COL26A1: variants seen among roughly 807,000 people sequenced by gnomAD.
The protein encoded by COL26A1 is collagen alpha-1(XXVI) chain.
Under a neutral mutation model 59.3 loss-of-function variants are expected in COL26A1, and 41 were observed. The observed-to-expected ratio is 0.69, with a 90% CI of 0.54 to 0.90. The LOEUF is 0.90. Among genes scored for constraint, COL26A1 ranks in the 40% least tolerant of loss-of-function variants. The pLI is 0.00. For synonymous variants in COL26A1, 266 were observed against 256.0 expected (o/e 1.04, Z -0.37); for missense variants, 612 against 602.3 (o/e 1.02, Z -0.17).
At chr7:101,378,806 G>A (rs1010081772) in intron 1 of COL26A1, among the ~76,000 whole-genome samples, 1 of 152,010 alleles carries the variant, frequency 6.6e-6, no homozygotes, top group Non-Finnish European at 1.5e-5. Flanking sequence ...GAGAATCTCC[G>A]ACAGTTCCCA....
chr7:101,505,644 G>A (rs1056981255), intron 3 of COL26A1, among the ~76,000 whole-genome samples: 3 of 152,232 alleles, frequency 2.0e-5, no homozygotes, highest in Non-Finnish European at 4.4e-5. Flanking sequence ...GCCTAGGCCA[G>A]TCTAGTCTTT....
intron 1 of COL26A1, among the ~76,000 whole-genome samples, chr7:101,399,142 C>A (rs746832158): frequency 6.6e-6 from 1 of 152,024 alleles, no homozygotes; most frequent in African/African-American, 2.4e-5. Flanking sequence ...CCCATCTCTA[C>A]AAAAAATTTC....
chr7:101,400,602 A>G (rs1791974024), intron 1 of COL26A1, among the ~76,000 whole-genome samples: 1 of 151,874 alleles, frequency 6.6e-6, no homozygotes, highest in Non-Finnish European at 1.5e-5. Flanking sequence ...CTTGTTGCCC[A>G]GGCTGGAGCG....
rs1791795233 is a variant in COL26A1, at chr7:101,393,990, C to G, written c.159-25987C>G. 4.6e-5 allele frequency among the ~76,000 whole-genome samples: 7 copies of G among 151,988 alleles called. No homozygotes were observed. The South Asian group carries it at 1.5e-3, about 32-fold the overall frequency. ...ATGGGATCTTGCTATGTTGCCCAGG[C>G]TGGTCTCAAACTTCTGGCCTCAAGT... On this transcript the variant is annotated intron_variant, in intron 1 of 12. Transcript: ENST00000313669.
At chr7:101,426,390 G>A (rs115897488) in intron 2 of COL26A1, among the ~76,000 whole-genome samples, 5 of 152,084 alleles carry the variant, frequency 3.3e-5, no homozygotes, top group Non-Finnish European at 7.3e-5. Flanking sequence ...GAGGCGGCCA[G>A]GTCTCAGCCA....
At chr7:101,517,798 A>ATTTTTTTTTTTTTT (rs869245512) in intron 3 of COL26A1, among the ~76,000 whole-genome samples, 1 of 76,892 alleles carries the variant, frequency 1.3e-5, no homozygotes, top group Non-Finnish European at 2.5e-5. Flanking sequence ...TTCTCCCCGC[A>ATTTTTTTTTTTTTT]TTTTTTTTTT....
intron 3 of COL26A1, among the ~76,000 whole-genome samples, chr7:101,512,318 C>T (rs577738915): frequency 6.6e-6 from 1 of 151,944 alleles, no homozygotes. Flanking sequence ...GAAAATTTGG[C>T]TGGAAAAAAT....
intron 7 of COL26A1, 129 bp downstream of exon 7, chr7:101,545,619 C>A: frequency 1.0e-6 from 1 of 993,850 alleles, no homozygotes; most frequent in Non-Finnish European, 1.4e-6. Context: ...CCAACTGGCT[C>A]ACTCCTGCAG....
chr7:101,389,377 A>ATTTTTTT (rs71106518), intron 1 of COL26A1, among the ~76,000 whole-genome samples: 1 of 89,378 alleles, frequency 1.1e-5, no homozygotes, highest in Non-Finnish European at 2.3e-5. Flanking sequence ...TGATTTGCAC[A>ATTTTTTT]TTTTTTTTTT....
At chr7:101,525,781 C>G (rs947738926) in intron 3 of COL26A1, among the ~76,000 whole-genome samples, 2 of 152,198 alleles carry the variant, frequency 1.3e-5, no homozygotes, top group African/African-American at 4.8e-5. Flanking sequence ...CAGGTGTGAG[C>G]CACTGCACCT....
chr7:101,523,172 C>A (rs550476244), intron 3 of COL26A1, among the ~76,000 whole-genome samples: 1 of 152,084 alleles, frequency 6.6e-6, no homozygotes, highest in East Asian at 1.9e-4. Flanking sequence ...CGGGTTCAAG[C>A]CATTCTCCTG....
At chr7:101,455,149 C>A (rs1221979119) in intron 3 of COL26A1, among the ~76,000 whole-genome samples, 1 of 147,336 alleles carries the variant, frequency 6.8e-6, no homozygotes, top group Non-Finnish European at 1.5e-5. Flanking sequence ...CCCAAGTGAT[C>A]CTCCCACCTC....
In COL26A1 at chr7:101,542,488, AC is replaced by A. The variant is rs569136393; in HGVS notation, c.605-1506del. 2.5e-3 allele frequency among the ~76,000 whole-genome samples: 379 copies of A among 152,148 alleles called. 2 individuals carry two copies. Among genetic ancestry groups the A allele is most frequent in the African/African-American group, 8.3e-3 (343 of 41,524 alleles). On this transcript the variant is annotated intron_variant, in intron 5 of 12. Coordinates refer to ENST00000313669, the MANE Select transcript of COL26A1 (RefSeq NM_001278563.3). ...CTGAGGCTCAGAGAAGTTAAGTGAC[AC>A]CCCTGGGGTCACCCAGCAAGCCAGC...
intron 2 of COL26A1, among the ~76,000 whole-genome samples, chr7:101,425,616 C>G (rs1238177558): frequency 6.6e-6 from 1 of 150,632 alleles, no homozygotes; most frequent in Admixed American, 6.7e-5. Context: ...CCCACCTCAG[C>G]CTCCCAAGTA....
chr7:101,544,714 G>A (rs1047368228), intron 6 of COL26A1, among the ~76,000 whole-genome samples: 1 of 147,972 alleles, frequency 6.8e-6, no homozygotes, highest in Admixed American at 6.8e-5. Context: ...TGTATTTTTA[G>A]TAGAGACAGG....
intron 3 of COL26A1, among the ~76,000 whole-genome samples, chr7:101,503,704 G>T (rs1300564168): frequency 6.6e-6 from 1 of 152,180 alleles, no homozygotes; most frequent in Non-Finnish European, 1.5e-5. Context: ...GGCTCACAAA[G>T]CCCCAGCACT....
intron 3 of COL26A1, among the ~76,000 whole-genome samples, chr7:101,495,820 G>A (rs1584462165): frequency 6.6e-6 from 1 of 150,380 alleles, no homozygotes; most frequent in South Asian, 2.2e-4. Context: ...AAGGCCGGGC[G>A]CAGTGGCTCA....
intron 3 of COL26A1, among the ~76,000 whole-genome samples, chr7:101,481,449 TA>T (rs1794153165): frequency 5.0e-5 from 3 of 60,122 alleles, no homozygotes; most frequent in Non-Finnish European, 1.4e-4. Context: ...TCTCCCAAAA[TA>T]TATATATATA....
rs991303099 is a variant in COL26A1 at position 101,524,065 on chromosome 7, T to C, written c.386-9017T>C. Among the ~76,000 whole-genome samples the C allele has an allele frequency of 5.3e-5, 8 of 151,858 alleles. 1 individual carries two copies. In the South Asian group the frequency reaches 1.0e-3, roughly 20 times the overall value. On this transcript the variant is annotated intron_variant, in intron 3 of 12. Transcript: ENST00000313669. ...TGGGCGGATCACTTTAGGTCAGGAG[T>C]TCGAGACCAGCATGACCAACATGGT...
Sources: gnomAD v4.1 joint callset for allele counts (sites outside exome capture counted in the v4.1 genomes callset) on GRCh38, gnomAD v4.1.1 for gene constraint, MANE v1.5 for transcripts, NCBI Gene and HGNC (gene_info 2026-07-23, HGNC 2026-07-21) for gene names.